SLC14A2: variants seen among roughly 807,000 people sequenced by gnomAD.
SLC14A2 encodes urea transporter 2.
SLC14A2 carries 91 observed loss-of-function variants against 104.6 expected under a neutral mutation model. The ratio of observed to expected loss-of-function variants is 0.87; its 90% CI spans 0.73 to 1.04. SLC14A2 has a LOEUF of 1.04. Among genes scored for constraint, SLC14A2 ranks in the 50% least tolerant of loss-of-function variants. SLC14A2 has a pLI of 0.00. For synonymous variants in SLC14A2, 476 were observed against 466.4 expected, an observed-to-expected ratio of 1.02 and a Z score of -0.27; for missense variants, 1,189 against 1,156.0, an observed-to-expected ratio of 1.03 and a Z score of -0.41.
At chr18:45,237,619 A>G (rs981869815) in intron 1 of SLC14A2, among the ~76,000 whole-genome samples, 2 of 152,200 alleles carry the variant, frequency 1.3e-5, no homozygotes, top group Non-Finnish European at 2.9e-5. Context: ...GCTGGTTCCC[A>G]TCTAATTTTT....
chr18:45,572,614 T>TAAGTC (rs1403310744), intron 2 of SLC14A2, among the ~76,000 whole-genome samples: 2 of 152,184 alleles, frequency 1.3e-5, no homozygotes, highest in Admixed American at 6.5e-5. Flanking sequence ...AACCTATCTT[T>TAAGTC]AAGTCTCAAT....
the SLC14A2 span, among the ~76,000 whole-genome samples, chr18:45,207,792 A>T: frequency 6.9e-6 from 1 of 145,666 alleles, no homozygotes; most frequent in Non-Finnish European, 1.5e-5. Flanking sequence ...CTAGTATTGC[A>T]TTTTTTTTAA....
At chr18:45,485,384 C>T (rs2087582137) in intron 2 of SLC14A2, 1 of 152,194 alleles carries the variant, frequency 6.6e-6, no homozygotes, top group Admixed American at 6.5e-5. Context: ...TTTTATTCCA[C>T]TACATGCTAC....
chr18:45,196,781 C>G, the SLC14A2 span, among the ~76,000 whole-genome samples: 1 of 152,224 alleles, frequency 6.6e-6, no homozygotes, highest in Admixed American at 6.5e-5. Flanking sequence ...ACTTCTCAAA[C>G]TGTGTTTCAT....
chr18:45,528,478 G>T (rs1448132210), intron 2 of SLC14A2: 1 of 151,748 alleles, frequency 6.6e-6, no homozygotes, highest in Non-Finnish European at 1.5e-5. Context: ...CACCCCACAG[G>T]GTCATAAATC....
At position 45,667,102 on chromosome 18, in the gene SLC14A2, T is replaced by C. The variant is rs781131211; in HGVS notation, c.1717+8T>C. 1 of 1,611,152 alleles carries C rather than the reference T, an allele frequency of 6.2e-7. No homozygotes were observed. Among genetic ancestry groups the C allele is most frequent in the Non-Finnish European group, 8.5e-7 (1 of 1,178,434 alleles). ...GTGGAGAGGGACTTAAAGGTAAAAT[T>C]CTATGAGAACAACACTGACCCTGAC... On this transcript the variant is annotated splice_region_variant and intron_variant, in intron 13 of 19. Coordinates refer to ENST00000255226, the MANE Select transcript of SLC14A2 (RefSeq NM_007163.4).
the SLC14A2 span, among the ~76,000 whole-genome samples, chr18:45,207,703 T>A: frequency 6.6e-6 from 1 of 152,278 alleles, no homozygotes; most frequent in East Asian, 1.9e-4. Context: ...GAGTTAGAGA[T>A]GGGTCATAGA....
At chr18:45,375,677 C>T (rs1165016070) in intron 1 of SLC14A2, among the ~76,000 whole-genome samples, 2 of 152,226 alleles carry the variant, frequency 1.3e-5, no homozygotes, top group Non-Finnish European at 2.9e-5. Context: ...GTCTAAGCAG[C>T]CGGCAAGGTG....
intron 2 of SLC14A2, among the ~76,000 whole-genome samples, chr18:45,592,096 A>ATCCC (rs2044655709): frequency 6.6e-6 from 1 of 152,204 alleles, no homozygotes; most frequent in Non-Finnish European, 1.5e-5. Context: ...TCAGCATCAA[A>ATCCC]TCCCTCCCTT....
chr18:45,452,072 G>T (rs1300813406), intron 1 of SLC14A2, among the ~76,000 whole-genome samples: 1 of 151,924 alleles, frequency 6.6e-6, no homozygotes, highest in Non-Finnish European at 1.5e-5. Context: ...GGGGACAGCT[G>T]GGGGGATATC....
At chr18:45,226,057 A>C (rs549614701) in intron 1 of SLC14A2, among the ~76,000 whole-genome samples, 3 of 152,350 alleles carry the variant, frequency 2.0e-5, no homozygotes, top group Admixed American at 6.5e-5. Flanking sequence ...CAGCCAAAAG[A>C]CACATGAAAA....
chr18:45,242,848 C>T (rs901392103), intron 1 of SLC14A2, among the ~76,000 whole-genome samples: 4 of 152,278 alleles, frequency 2.6e-5, no homozygotes, highest in Non-Finnish European at 4.4e-5. Flanking sequence ...GTTGGAAGTG[C>T]AGGGAAGCAT....
intron 2 of SLC14A2, among the ~76,000 whole-genome samples, chr18:45,583,715 A>G (rs536971229): frequency 6.6e-6 from 1 of 152,336 alleles, no homozygotes; most frequent in African/African-American, 2.4e-5. Flanking sequence ...ATATAATGTC[A>G]GGAGTGATGT....
At chr18:45,600,862 G>A (rs1218271365) in intron 2 of SLC14A2, among the ~76,000 whole-genome samples, 2 of 152,230 alleles carry the variant, frequency 1.3e-5, no homozygotes, top group Non-Finnish European at 2.9e-5. Context: ...GATGGTGACT[G>A]TAGAGCCCTG....
intron 1 of SLC14A2, among the ~76,000 whole-genome samples, chr18:45,217,042 C>A (rs2084017275): frequency 6.6e-6 from 1 of 151,950 alleles, no homozygotes. Context: ...TCAAAAAGCC[C>A]TTCTCTCTTG....
At chr18:45,198,832 G>T in the SLC14A2 span, among the ~76,000 whole-genome samples, 1 of 151,784 alleles carries the variant, frequency 6.6e-6, no homozygotes, top group South Asian at 2.1e-4. Context: ...GTCTGGAATT[G>T]TAATTCCAAC....
chr18:45,470,428 T>G (rs1209797436), intron 1 of SLC14A2, among the ~76,000 whole-genome samples: 1 of 152,176 alleles, frequency 6.6e-6, no homozygotes, highest in Non-Finnish European at 1.5e-5. Context: ...GACTGATACA[T>G]TTTTACTTTT....
In SLC14A2 at chr18:45,616,476, G is replaced by A. The variant is rs73423783; in HGVS notation, c.-35+894G>A. Among the ~76,000 whole-genome samples, 1,474 of 152,310 alleles carry A rather than the reference G, an allele frequency of 9.7e-3. 28 individuals are homozygous for A. Among genetic ancestry groups the A allele is most frequent in the African/African-American group, 0.033 (1,353 of 41,564 alleles). Reference sequence around the variant, plus strand: ...TTTCATGCCCAGTTTCAGGAGCGAAGCACTCAGACATGGAGCACCTCAGAA... The same window carrying A: ...TTTCATGCCCAGTTTCAGGAGCGAAACACTCAGACATGGAGCACCTCAGAA... On this transcript the variant is annotated intron_variant, in intron 1 of 19. Transcript: ENST00000255226.
At position 45,217,382 on chromosome 18, in the gene SLC14A2, A is replaced by G. The variant is rs530899949; in HGVS notation, c.-125+4191A>G. ...TGTAATATATATATGCCAAGTTACA[A>G]CATCTACCAAAAAGAAGAACAAGTC... On this transcript the variant is annotated intron_variant, in intron 1 of 20. Transcript: ENST00000586448. Among the ~76,000 whole-genome samples, 5 of 151,692 alleles carry G rather than the reference A, an allele frequency of 3.3e-5. No homozygotes were observed. The South Asian group carries it at 1.0e-3, about 31-fold the overall frequency.
Sources: gnomAD v4.1 joint callset for allele counts (sites outside exome capture counted in the v4.1 genomes callset) on GRCh38, gnomAD v4.1.1 for gene constraint, MANE v1.5 for transcripts, NCBI Gene and HGNC (gene_info 2026-07-23, HGNC 2026-07-21) for gene names.